WLS: variants seen among roughly 807,000 people sequenced by gnomAD.
The protein encoded by WLS is protein wntless homolog.
A neutral mutation model predicts 62.8 loss-of-function variants in WLS; 23 were observed. The observed-to-expected ratio is 0.37, with a 90% confidence interval of 0.26 to 0.52. The LOEUF (loss-of-function observed/expected upper bound fraction) is 0.52, where lower values mean the gene tolerates loss of function less well. Among genes scored for constraint, WLS ranks in the 20% least tolerant of loss-of-function variants. The pLI, the probability that WLS is intolerant of heterozygous loss-of-function variation, is 0.92. For synonymous variants in WLS, 246 were observed against 244.1 expected (o/e 1.01, Z -0.07); for missense variants, 615 against 697.3 (o/e 0.88, Z 1.33).
At chr1:68,180,030 G>C (rs1293499586) in intron 2 of WLS, among the ~76,000 whole-genome samples, 1 of 149,018 alleles carries the variant, frequency 6.7e-6, no homozygotes, top group African/African-American at 2.5e-5. Flanking sequence ...GAGGGAGGGG[G>C]AAGTTAAGGC....
intron 1 of WLS, among the ~76,000 whole-genome samples, chr1:68,227,935 A>G (rs916792073): frequency 1.3e-5 from 2 of 152,224 alleles, no homozygotes; most frequent in African/African-American, 4.8e-5. Flanking sequence ...CCAAATAAAC[A>G]ACAGCAGCAG....
intron 1 of WLS, among the ~76,000 whole-genome samples, chr1:68,221,060 T>TA (rs1454739817): frequency 2.0e-5 from 3 of 152,222 alleles, no homozygotes; most frequent in African/African-American, 7.2e-5. Flanking sequence ...AAGATGACCT[T>TA]AGTGCCCTTT....
intron 2 of WLS, chr1:68,162,557 G>A (rs772868196): frequency 4.0e-5 from 63 of 1,580,132 alleles, no homozygotes; most frequent in Non-Finnish European, 5.0e-5. Context: ...ATTTCCCCAC[G>A]GATGCTGGCC....
intron 3 of WLS, among the ~76,000 whole-genome samples, chr1:68,156,622 C>A (rs1646904008): frequency 6.6e-6 from 1 of 152,202 alleles, no homozygotes; most frequent in South Asian, 2.1e-4. Flanking sequence ...CAGTTTTTAT[C>A]CCTAAGGTGT....
At chr1:68,223,669 A>T (rs571717240) in intron 1 of WLS, among the ~76,000 whole-genome samples, 17 of 152,358 alleles carry the variant, frequency 1.1e-4, no homozygotes, top group Middle Eastern at 3.4e-3. Flanking sequence ...TCAAGATAGT[A>T]GATTCCAGTG....
chr1:68,177,965 C>T (rs1358261737), intron 2 of WLS, among the ~76,000 whole-genome samples: 2 of 152,122 alleles, frequency 1.3e-5, no homozygotes, highest in Non-Finnish European at 2.9e-5. Context: ...AACTTCCTTG[C>T]CAAGGGTCTC....
At chr1:68,111,308 T>A (rs181374566) in intron 11 of WLS, among the ~76,000 whole-genome samples, 1 of 152,310 alleles carries the variant, frequency 6.6e-6, no homozygotes, top group East Asian at 1.9e-4. Flanking sequence ...TAACTAAGGC[T>A]GGGAGAAAGA....
At chr1:68,209,143 A>AGGG (rs1012691159) in intron 1 of WLS, among the ~76,000 whole-genome samples, 1 of 117,492 alleles carries the variant, frequency 8.5e-6, no homozygotes, top group Non-Finnish European at 1.8e-5. Context: ...TGGCAAGTTC[A>AGGG]GGGGGGGTGT....
At chr1:68,130,679 C>CT (rs1646505400) in intron 11 of WLS, among the ~76,000 whole-genome samples, 1 of 152,038 alleles carries the variant, frequency 6.6e-6, no homozygotes, top group Non-Finnish European at 1.5e-5. Context: ...ATATGTCTGC[C>CT]TTACATTTTT....
At chr1:68,112,765 A>G (rs1646244783) in intron 11 of WLS, among the ~76,000 whole-genome samples, 1 of 152,260 alleles carries the variant, frequency 6.6e-6, no homozygotes, top group Non-Finnish European at 1.5e-5. Flanking sequence ...GAAGATTTTA[A>G]GTTCCTTGAA....
intron 6 of WLS, 68 bp from the exon 7 acceptor site, chr1:68,148,728 C>A: frequency 6.8e-7 from 1 of 1,473,350 alleles, no homozygotes; most frequent in South Asian, 1.2e-5. Context: ...ATGGGGGAGT[C>A]AGCATTCGAA....
At position 68,148,013 on chromosome 1, in the gene WLS, G is replaced by A. The variant is rs1646774630; in HGVS notation, c.1134+123C>T. 3 of 997,760 alleles carry A rather than the reference G, an allele frequency of 3.0e-6. No individual in the cohort carries two copies. The Middle Eastern group carries it at 7.5e-4, about 249-fold the overall frequency. The allele number at this position is 997,760 out of a possible 1,614,324, so 61.8% of individuals were successfully genotyped here. On this transcript the variant is annotated intron_variant, in intron 8 of 11. Transcript: ENST00000262348. ...AGCCTTAATTGTGCTGTTATGATTGGCCTGAGAATCAAAGCCCTGGCTGAG... is the reference window on the plus strand; with the variant it reads ...AGCCTTAATTGTGCTGTTATGATTGACCTGAGAATCAAAGCCCTGGCTGAG...
intron 2 of WLS, among the ~76,000 whole-genome samples, chr1:68,164,204 A>G (rs911465686): frequency 2.0e-5 from 3 of 152,196 alleles, no homozygotes; most frequent in Non-Finnish European, 4.4e-5. Context: ...AAAGCAAAAG[A>G]TATTAAATCA....
At position 68,150,237 on chromosome 1, in the gene WLS, T is replaced by C; in HGVS notation, c.923A>G (p.Tyr308Cys). Residue 308 changes from tyrosine to cysteine, a missense_variant, in exon 6 of 12, where the codon TAT becomes TGT. Tyr to Cys is a radical substitution (Grantham distance 194). Transcript: ENST00000262348. ...GATCCAGAAGGACAGAAGCATCGCA[T>C]AGAAGATGCCCTGTCGGATGTCACC... ...LFGDIRQGIF[Y>C]AMLLSFWIIF... The C allele has an allele frequency of 6.2e-7, 1 of 1,614,154 alleles. No individual in the cohort carries two copies. The highest frequency in any genetic ancestry group is 8.5e-7 in the Non-Finnish European group (1 of 1,180,036).
At chr1:68,179,472 C>A (rs1047336748) in intron 2 of WLS, among the ~76,000 whole-genome samples, 20 of 152,204 alleles carry the variant, frequency 1.3e-4, no homozygotes, top group Admixed American at 7.2e-4. Flanking sequence ...TAAACTCTGT[C>A]ATCCTCAGTG....
At chr1:68,114,116 G>A (rs1413860276) in intron 11 of WLS, among the ~76,000 whole-genome samples, 1 of 152,206 alleles carries the variant, frequency 6.6e-6, no homozygotes, top group Non-Finnish European at 1.5e-5. Context: ...GACTGCAGAT[G>A]GAGTGAGCCC....
chr1:68,135,886 T>G (rs1646602868), intron 11 of WLS, among the ~76,000 whole-genome samples: 1 of 152,126 alleles, frequency 6.6e-6, no homozygotes, highest in Non-Finnish European at 1.5e-5. Flanking sequence ...GAGTGGTGTT[T>G]TTACTAGAAA....
intron 10 of WLS, chr1:68,141,871 T>A (rs1168454545): frequency 6.6e-6 from 1 of 151,846 alleles, no homozygotes; most frequent in East Asian, 1.9e-4. Flanking sequence ...TGTCTATAAA[T>A]AAATCTTAGA....
chr1:68,193,398 TAAAAAAAAAAAAAAAAAA>T (rs904327955), intron 2 of WLS, among the ~76,000 whole-genome samples: 279 of 15,300 alleles, frequency 0.018, no homozygotes, highest in African/African-American at 0.04. Context: ...GCAAATAAGC[TAAAAAAAAAAAAAAAAAA>T]AAAAAAAAAA....
Sources: allele counts gnomAD v4.1 joint callset (sites outside exome capture counted in the v4.1 genomes callset), GRCh38; gene constraint gnomAD v4.1.1; transcripts MANE v1.5; gene names NCBI Gene and HGNC (gene_info 2026-07-23, HGNC 2026-07-21).